CSMD1: variants seen among roughly 807,000 people sequenced by gnomAD.
CSMD1 encodes CUB and sushi domain-containing protein 1.
In CSMD1, 213 loss-of-function variants were observed where a neutral mutation model predicts 417.5. That is an observed-to-expected ratio of 0.51 (90% CI 0.46 to 0.57). CSMD1 has a LOEUF of 0.57. CSMD1 is among the 20% of genes least tolerant of loss of function. CSMD1 has a pLI of 0.00. For synonymous variants in CSMD1, 2,862 were observed against 1,736.8 expected (o/e 1.65, Z -16.11); for missense variants, 6,923 against 4,529.7 (o/e 1.53, Z -15.17).
intron 3 of CSMD1, among the ~76,000 whole-genome samples, chr8:4,118,162 A>T (rs1802269528): frequency 1.3e-5 from 2 of 152,090 alleles, no homozygotes; most frequent in African/African-American, 4.8e-5. Context: ...GTGGGAGCAG[A>T]GGGGTGTGTT....
intron 1 of CSMD1, among the ~76,000 whole-genome samples, chr8:4,849,111 A>G (rs1230478106): frequency 6.6e-6 from 1 of 152,144 alleles, no homozygotes; most frequent in East Asian, 1.9e-4. Flanking sequence ...TATGATTCTG[A>G]CCTTGTGTAA....
chr8:3,479,855 A>C (rs1389525539), intron 11 of CSMD1, among the ~76,000 whole-genome samples: 2 of 152,182 alleles, frequency 1.3e-5, no homozygotes, highest in South Asian at 2.1e-4. Context: ...AATTATCTGC[A>C]AACAGATGAA....
intron 21 of CSMD1, among the ~76,000 whole-genome samples, chr8:3,357,437 A>T (rs1420253945): frequency 6.6e-6 from 1 of 152,244 alleles, no homozygotes; most frequent in African/African-American, 2.4e-5. Context: ...ACATGGAAGG[A>T]GCCTGAAGCA....
intron 9 of CSMD1, among the ~76,000 whole-genome samples, chr8:3,585,412 C>A (rs1205965627): frequency 6.6e-6 from 1 of 152,166 alleles, no homozygotes; most frequent in Non-Finnish European, 1.5e-5. Context: ...TTACATAAAT[C>A]ATTTTATGGC....
rs562499277 is a variant in CSMD1, at chr8:4,989,281, GA to G, written c.85+5050del. 6.3e-3 allele frequency among the ~76,000 whole-genome samples: 919 copies of G among 146,390 alleles called. 5 individuals carry two copies. The highest frequency in any genetic ancestry group is 0.021 in the Middle Eastern group (6 of 282). ...CCATGCCAGGTCTACAGTAAAAAAA[GA>G]AAAAAAAAAATCTGCCCCTGGTTGC... On this transcript the variant is annotated intron_variant, in intron 1 of 69. Coordinates refer to ENST00000635120, the MANE Select transcript of CSMD1 (RefSeq NM_033225.6).
At chr8:4,278,200 G>A (rs1183953310) in intron 3 of CSMD1, among the ~76,000 whole-genome samples, 1 of 152,046 alleles carries the variant, frequency 6.6e-6, no homozygotes, top group Non-Finnish European at 1.5e-5. Flanking sequence ...TAATTCCAGT[G>A]CTCAATAGAG....
At chr8:4,248,209 C>T (rs905217327) in intron 3 of CSMD1, among the ~76,000 whole-genome samples, 2 of 152,024 alleles carry the variant, frequency 1.3e-5, no homozygotes, top group Non-Finnish European at 2.9e-5. Flanking sequence ...ACATGACATG[C>T]CATTTCCAAC....
chr8:4,078,485 C>T (rs1017926650), intron 3 of CSMD1, among the ~76,000 whole-genome samples: 2 of 151,742 alleles, frequency 1.3e-5, no homozygotes, highest in South Asian at 2.1e-4. Flanking sequence ...AGGATGGTCT[C>T]GATCTCCTGA....
intron 51 of CSMD1, among the ~76,000 whole-genome samples, chr8:3,023,452 G>C (rs1318678402): frequency 6.6e-6 from 1 of 152,124 alleles, no homozygotes; most frequent in African/African-American, 2.4e-5. Context: ...CTTGTGTAAA[G>C]ACTTTGTGCT....
intron 7 of CSMD1, among the ~76,000 whole-genome samples, chr8:3,697,230 G>T (rs978578775): frequency 6.6e-6 from 1 of 152,154 alleles, no homozygotes; most frequent in Admixed American, 6.5e-5. Flanking sequence ...GAAAATGGTA[G>T]TCAGTTTCAG....
intron 23 of CSMD1, among the ~76,000 whole-genome samples, chr8:3,320,413 G>C (rs961389287): frequency 6.6e-6 from 1 of 152,048 alleles, no homozygotes; most frequent in East Asian, 1.9e-4. Context: ...AAAACTAAAG[G>C]ATTTATGAAA....
intron 3 of CSMD1, among the ~76,000 whole-genome samples, chr8:4,321,729 T>G (rs1326145592): frequency 2.6e-5 from 4 of 152,156 alleles, no homozygotes; most frequent in African/African-American, 7.2e-5. Context: ...GTTTCCAAAT[T>G]ATTACTATAC....
chr8:4,040,379 A>T (rs1471205739), intron 3 of CSMD1, among the ~76,000 whole-genome samples: 2 of 152,232 alleles, frequency 1.3e-5, no homozygotes, highest in Non-Finnish European at 2.9e-5. Flanking sequence ...AAACACACAA[A>T]CAAAAACATG....
intron 3 of CSMD1, among the ~76,000 whole-genome samples, chr8:4,137,865 TA>T (rs140719575): frequency 0.35 from 44,014 of 126,998 alleles, 7,510 homozygotes; most frequent in Middle Eastern, 0.5. Flanking sequence ...TGCCTTACAT[TA>T]TTTTTTTTAA....
chr8:4,959,715 A>G (rs1265540810), intron 1 of CSMD1, among the ~76,000 whole-genome samples: 1 of 152,182 alleles, frequency 6.6e-6, no homozygotes, highest in African/African-American at 2.4e-5. Flanking sequence ...CAGTTCACGG[A>G]ATGTCAAAAT....
At chr8:3,498,885 A>T (rs554848150) in intron 10 of CSMD1, among the ~76,000 whole-genome samples, 1 of 152,248 alleles carries the variant, frequency 6.6e-6, no homozygotes, top group East Asian at 1.9e-4. Context: ...TCTCATTCAG[A>T]TCATGAATTG....
intron 5 of CSMD1, among the ~76,000 whole-genome samples, chr8:3,877,745 A>G (rs917909089): frequency 1.3e-5 from 2 of 152,218 alleles, no homozygotes; most frequent in Non-Finnish European, 2.9e-5. Context: ...GACCGTTAAT[A>G]ATTCACTTTG....
intron 1 of CSMD1, among the ~76,000 whole-genome samples, chr8:4,778,133 A>T (rs1263188220): frequency 6.6e-6 from 1 of 152,196 alleles, no homozygotes; most frequent in Non-Finnish European, 1.5e-5. Context: ...TTTATGTATA[A>T]ATTAATATAA....
chr8:4,565,824 C>A (rs1185591702), intron 2 of CSMD1, among the ~76,000 whole-genome samples: 1 of 145,238 alleles, frequency 6.9e-6, no homozygotes, highest in South Asian at 2.2e-4. Context: ...TATATACACA[C>A]AGACACGCAC....
Sources: gnomAD v4.1 joint callset for allele counts (sites outside exome capture counted in the v4.1 genomes callset) on GRCh38, gnomAD v4.1.1 for gene constraint, MANE v1.5 for transcripts, NCBI Gene and HGNC (gene_info 2026-07-23, HGNC 2026-07-21) for gene names.